Variants in PARD3B observed in about 807,000 individuals in gnomAD.
PARD3B encodes the protein par-3 family cell polarity regulator beta, also known as partitioning defective 3 homolog B.
Under a neutral mutation model 130.2 loss-of-function variants are expected in PARD3B, and 103 were observed. The ratio of observed to expected loss-of-function variants is 0.79; its 90% CI spans 0.67 to 0.93. The LOEUF is 0.93. Ranked by LOEUF, PARD3B falls within the 40% of genes least tolerant of loss-of-function variation. PARD3B has a pLI of 0.00. For missense variants in PARD3B, 1,609 were observed against 1,499.2 expected, an observed-to-expected ratio of 1.07 and a Z score of -1.21; for synonymous variants, 583 against 553.2, an observed-to-expected ratio of 1.05 and a Z score of -0.76.
intron 20 of PARD3B, among the ~76,000 whole-genome samples, chr2:205,449,701 G>T (rs955213778): frequency 6.6e-6 from 1 of 152,144 alleles, no homozygotes; most frequent in Non-Finnish European, 1.5e-5. Context: ...TAAAATTGAA[G>T]TGGCAGACAG....
intron 20 of PARD3B, among the ~76,000 whole-genome samples, chr2:205,484,780 A>G (rs1231301866): frequency 3.3e-5 from 5 of 152,298 alleles, no homozygotes; most frequent in Admixed American, 6.5e-5. Flanking sequence ...AAGATACTCA[A>G]TTATTCCCCA....
intron 1 of PARD3B, among the ~76,000 whole-genome samples, chr2:204,621,281 T>C (rs2034294043): frequency 6.6e-6 from 1 of 152,058 alleles, no homozygotes; most frequent in Non-Finnish European, 1.5e-5. Context: ...GCAGGACATC[T>C]GTGGATGTGT....
intron 19 of PARD3B, among the ~76,000 whole-genome samples, chr2:205,419,337 T>C (rs2046887053): frequency 6.6e-6 from 1 of 151,958 alleles, no homozygotes; most frequent in African/African-American, 2.4e-5. Flanking sequence ...GCCTTCGCCA[T>C]GATGTGAGGC....
At chr2:204,793,177 TC>T (rs1231466387) in intron 2 of PARD3B, among the ~76,000 whole-genome samples, 2 of 152,188 alleles carry the variant, frequency 1.3e-5, no homozygotes, top group African/African-American at 4.8e-5. Flanking sequence ...CCACTTTTTC[TC>T]TTTTTTTTCC....
chr2:205,210,160 G>A (rs2037549222), intron 15 of PARD3B, among the ~76,000 whole-genome samples: 1 of 151,940 alleles, frequency 6.6e-6, no homozygotes, highest in Non-Finnish European at 1.5e-5. Flanking sequence ...CACCCTGGGA[G>A]TTTGAGACCA....
At chr2:205,185,388 G>A (rs952070545) in intron 13 of PARD3B, among the ~76,000 whole-genome samples, 1 of 152,114 alleles carries the variant, frequency 6.6e-6, no homozygotes, top group Non-Finnish European at 1.5e-5. Context: ...ATAATCCAGA[G>A]TATTCACTAT....
At chr2:205,260,986 T>C (rs999458167) in intron 16 of PARD3B, among the ~76,000 whole-genome samples, 2 of 152,062 alleles carry the variant, frequency 1.3e-5, no homozygotes, top group African/African-American at 4.8e-5. Flanking sequence ...AGCATTTACC[T>C]AAAAGGCAAT....
chr2:205,293,228 T>C (rs535335678), intron 16 of PARD3B, among the ~76,000 whole-genome samples: 3 of 152,360 alleles, frequency 2.0e-5, no homozygotes, highest in Non-Finnish European at 4.4e-5. Flanking sequence ...TGACCTTTTA[T>C]GTTATGCTAA....
At chr2:205,598,363 CAA>C (rs376055421) in intron 22 of PARD3B, among the ~76,000 whole-genome samples, 3 of 127,886 alleles carry the variant, frequency 2.3e-5, no homozygotes, top group Non-Finnish European at 1.7e-5. Flanking sequence ...TCAGAAAGGA[CAA>C]AAAAAAAAAG....
chr2:204,657,671 CAAATG>C (rs1481818529), intron 1 of PARD3B, among the ~76,000 whole-genome samples: 4 of 152,206 alleles, frequency 2.6e-5, no homozygotes, highest in African/African-American at 4.8e-5. Context: ...TCCTATAAAA[CAAATG>C]AAAGCACAAT....
intron 15 of PARD3B, among the ~76,000 whole-genome samples, chr2:205,236,357 C>G (rs1297728292): frequency 6.6e-6 from 1 of 152,058 alleles, no homozygotes; most frequent in Non-Finnish European, 1.5e-5. Context: ...CAACATTACT[C>G]TGATACCAAA....
chr2:204,939,531 T>C (rs1195213612), intron 2 of PARD3B, among the ~76,000 whole-genome samples: 1 of 152,200 alleles, frequency 6.6e-6, no homozygotes, highest in Non-Finnish European at 1.5e-5. Context: ...GAAGACATTA[T>C]GCTGTAAAAA....
At chr2:205,449,618 T>G (rs1311705963) in intron 20 of PARD3B, among the ~76,000 whole-genome samples, 1 of 152,190 alleles carries the variant, frequency 6.6e-6, no homozygotes, top group Non-Finnish European at 1.5e-5. Flanking sequence ...TGAGCTGATG[T>G]AATACCAGGC....
intron 10 of PARD3B, among the ~76,000 whole-genome samples, chr2:205,127,718 A>G (rs1477330888): frequency 2.0e-5 from 3 of 152,168 alleles, no homozygotes; most frequent in Non-Finnish European, 4.4e-5. Context: ...TCTGTAACAA[A>G]ATAGGGAAAA....
intron 10 of PARD3B, among the ~76,000 whole-genome samples, chr2:205,152,382 A>G (rs999567801): frequency 6.6e-6 from 1 of 152,094 alleles, no homozygotes; most frequent in Non-Finnish European, 1.5e-5. Flanking sequence ...TCTCCCTGTC[A>G]CTTTCAGGTA....
At chr2:204,667,289 C>A (rs936295160) in intron 1 of PARD3B, among the ~76,000 whole-genome samples, 4 of 152,108 alleles carry the variant, frequency 2.6e-5, no homozygotes, top group African/African-American at 9.7e-5. Context: ...AGAAATCACC[C>A]AATACATGAT....
intron 15 of PARD3B, among the ~76,000 whole-genome samples, chr2:205,200,091 T>G (rs538237848): frequency 6.6e-6 from 1 of 152,286 alleles, no homozygotes; most frequent in South Asian, 2.1e-4. Flanking sequence ...GTTTTACATA[T>G]AGGTTATGTT....
intron 3 of PARD3B, among the ~76,000 whole-genome samples, chr2:205,037,667 A>G (rs1266923464): frequency 1.5e-5 from 2 of 130,730 alleles, no homozygotes; most frequent in Non-Finnish European, 3.3e-5. Context: ...TATATAATGT[A>G]TATAGTGGAC....
rs181429959 is a variant in PARD3B, at chr2:204,875,690, G to C, written c.223-89462G>C. 3.9e-5 allele frequency among the ~76,000 whole-genome samples: 6 copies of C among 152,226 alleles called. No homozygotes were observed. The East Asian group carries it at 1.2e-3, about 29-fold the overall frequency. On this transcript the variant is annotated intron_variant, in intron 2 of 22. Coordinates refer to ENST00000406610, the MANE Select transcript of PARD3B (RefSeq NM_001302769.2). The stretch of plus-strand genomic sequence containing the variant: ...CAATTTATGTGCACATGAAGTTTTT[G>C]TTCTCAGAGCAGTTCTTAATCTGTT...
Sources: allele counts gnomAD v4.1 joint callset (sites outside exome capture counted in the v4.1 genomes callset), GRCh38; gene constraint gnomAD v4.1.1; transcripts MANE v1.5; gene names NCBI Gene and HGNC (gene_info 2026-07-23, HGNC 2026-07-21).